Variants in IMMP2L observed in about 807,000 individuals in gnomAD.
The protein encoded by IMMP2L is inner mitochondrial membrane peptidase subunit 2.
IMMP2L carries 18 observed loss-of-function variants against 19.3 expected under a neutral mutation model. The ratio of observed to expected loss-of-function variants is 0.93; its 90% confidence interval spans 0.64 to 1.38. The LOEUF is 1.38. Ranked by LOEUF, IMMP2L falls within the 40% of genes most tolerant of loss-of-function variation. The probability of loss-of-function intolerance (pLI) is 0.00; values close to 1 mark genes in which losing one functional copy is unlikely to be tolerated. For missense variants in IMMP2L, 233 were observed against 218.2 expected (o/e 1.07, Z -0.43); for synonymous variants, 76 against 73.0 (o/e 1.04, Z -0.21).
chr7:111,307,658 T>C (rs754189084), intron 3 of IMMP2L, among the ~76,000 whole-genome samples: 2 of 151,688 alleles, frequency 1.3e-5, no homozygotes, highest in Non-Finnish European at 3.0e-5. Flanking sequence ...CAAGTTACTA[T>C]GTTCCCCATA....
intron 3 of IMMP2L, among the ~76,000 whole-genome samples, chr7:111,288,968 CAT>C (rs1563015818): frequency 6.6e-6 from 1 of 152,138 alleles, no homozygotes; most frequent in Non-Finnish European, 1.5e-5. Context: ...CACAGGCACA[CAT>C]ATGTTTATTG....
chr7:111,070,275 TGCATCTGAAAATATCA>T (rs1794843504), intron 3 of IMMP2L, among the ~76,000 whole-genome samples: 1 of 152,204 alleles, frequency 6.6e-6, no homozygotes, highest in Non-Finnish European at 1.5e-5. Context: ...AGGCAGCCTT[TGCATCTGAAAATATCA>T]GCAGTCTAAC....
intron 2 of IMMP2L, among the ~76,000 whole-genome samples, chr7:111,498,949 T>A (rs915114964): frequency 2.0e-5 from 3 of 151,934 alleles, no homozygotes; most frequent in African/African-American, 7.3e-5. Flanking sequence ...TTCTGGCAGA[T>A]AAAAAGGGGG....
intron 3 of IMMP2L, among the ~76,000 whole-genome samples, chr7:110,971,832 T>G (rs1447227844): frequency 6.6e-6 from 1 of 152,110 alleles, no homozygotes; most frequent in Non-Finnish European, 1.5e-5. Context: ...ACAATCGAGA[T>G]ATGCATTATT....
intron 3 of IMMP2L, among the ~76,000 whole-genome samples, chr7:111,412,475 A>C (rs1003463355): frequency 5.9e-5 from 9 of 151,954 alleles, no homozygotes; most frequent in African/African-American, 2.2e-4. Context: ...TAAAACGGAA[A>C]TCAATTAAGG....
At chr7:111,520,832 T>TA (rs539540949) in intron 2 of IMMP2L, among the ~76,000 whole-genome samples, 90 of 152,280 alleles carry the variant, frequency 5.9e-4, no homozygotes, top group Non-Finnish European at 1.1e-3. Flanking sequence ...AAACTGCACT[T>TA]AATCTTTTCA....
chr7:111,202,540 T>A (rs1810256590), intron 3 of IMMP2L, among the ~76,000 whole-genome samples: 1 of 152,160 alleles, frequency 6.6e-6, no homozygotes, highest in South Asian at 2.1e-4. Context: ...AGCCAGCAAT[T>A]CAAGTGCCTC....
intron 5 of IMMP2L, among the ~76,000 whole-genome samples, chr7:110,686,822 C>T (rs564416920): frequency 1.3e-5 from 2 of 152,102 alleles, no homozygotes; most frequent in East Asian, 3.9e-4. Context: ...CTTGTTTTTC[C>T]CCAACTGCTA....
At chr7:110,830,868 CA>C (rs113540945) in intron 5 of IMMP2L, among the ~76,000 whole-genome samples, 11 of 152,116 alleles carry the variant, frequency 7.2e-5, no homozygotes, top group African/African-American at 2.4e-4. Flanking sequence ...GCTACCATTA[CA>C]GTATATGTAC....
At chr7:111,333,476 T>A (rs984254772) in intron 3 of IMMP2L, among the ~76,000 whole-genome samples, 2 of 152,032 alleles carry the variant, frequency 1.3e-5, no homozygotes, top group Admixed American at 6.6e-5. Context: ...AAGACTATGA[T>A]TTCAGGAAAT....
chr7:111,264,260 G>A (rs537653569), intron 3 of IMMP2L, among the ~76,000 whole-genome samples: 1 of 152,170 alleles, frequency 6.6e-6, no homozygotes. Flanking sequence ...CCTGACAAGG[G>A]CACGGGCCCA....
At chr7:110,795,299 A>C (rs554509089) in intron 5 of IMMP2L, among the ~76,000 whole-genome samples, 2 of 152,212 alleles carry the variant, frequency 1.3e-5, no homozygotes, top group East Asian at 3.9e-4. Context: ...AGTATTTGTC[A>C]CATGATTACA....
chr7:111,077,654 G>A (rs577552463), intron 3 of IMMP2L, among the ~76,000 whole-genome samples: 76 of 152,310 alleles, frequency 5.0e-4, no homozygotes, highest in African/African-American at 1.7e-3. Flanking sequence ...AGCCTAGTGA[G>A]TTTTGAAACA....
chr7:110,960,131 T>C (rs537023268), intron 4 of IMMP2L, among the ~76,000 whole-genome samples: 1 of 152,120 alleles, frequency 6.6e-6, no homozygotes, highest in East Asian at 1.9e-4. Context: ...GATTGCTTTA[T>C]GTAGATGAAA....
At chr7:111,103,348 C>A (rs115290536) in intron 3 of IMMP2L, among the ~76,000 whole-genome samples, 158 of 151,708 alleles carry the variant, frequency 1.0e-3, no homozygotes, top group African/African-American at 3.7e-3. Flanking sequence ...CAAATATTTG[C>A]CAACTGCTAA....
chr7:111,165,196 A>T (rs997205905), intron 3 of IMMP2L, among the ~76,000 whole-genome samples: 1 of 152,068 alleles, frequency 6.6e-6, no homozygotes, highest in Non-Finnish European at 1.5e-5. Flanking sequence ...TGACTGGCTC[A>T]TTTCACTTGG....
intron 5 of IMMP2L, among the ~76,000 whole-genome samples, chr7:110,798,084 G>C (rs772689778): frequency 2.0e-5 from 3 of 151,812 alleles, no homozygotes; most frequent in South Asian, 2.1e-4. Context: ...ATCTTACAGC[G>C]GTCATATAGT....
chr7:110,857,755 C>A (rs1806949365), intron 5 of IMMP2L, among the ~76,000 whole-genome samples: 1 of 152,028 alleles, frequency 6.6e-6, no homozygotes, highest in South Asian at 2.1e-4. Context: ...TGTGGATATT[C>A]ATACAACTTC....
intron 5 of IMMP2L, among the ~76,000 whole-genome samples, chr7:110,833,186 C>T (rs1804121765): frequency 6.6e-6 from 1 of 152,096 alleles, no homozygotes; most frequent in Admixed American, 6.5e-5. Context: ...TGCCTGTAAT[C>T]CCAGCACTTT....
Sources: gnomAD v4.1 joint callset for allele counts (sites outside exome capture counted in the v4.1 genomes callset) on GRCh38, gnomAD v4.1.1 for gene constraint, MANE v1.5 for transcripts, NCBI Gene and HGNC (gene_info 2026-07-23, HGNC 2026-07-21) for gene names.